The following FAM135A variants were observed in gnomAD, a reference collection of about 807,000 sequenced individuals.
FAM135A encodes family with sequence similarity 135 member A.
FAM135A carries 79 observed loss-of-function variants against 146.8 expected under a neutral mutation model. The observed-to-expected ratio is 0.54, with a 90% CI of 0.45 to 0.65. FAM135A has a LOEUF of 0.65. Ranked by LOEUF, FAM135A falls within the 30% of genes least tolerant of loss-of-function variation. FAM135A has a pLI of 0.00. For synonymous variants in FAM135A, 562 were observed against 603.6 expected (o/e 0.93, Z 1.01); for missense variants, 1,623 against 1,758.2 (o/e 0.92, Z 1.38).
chr6:70,447,436 G>A (rs192972683), intron 4 of FAM135A, among the ~76,000 whole-genome samples: 14 of 152,312 alleles, frequency 9.2e-5, no homozygotes, highest in Admixed American at 6.5e-4. Flanking sequence ...CCTTTTAAAT[G>A]TAAACAAGAC....
At position 70,447,791 on chromosome 6, in the gene FAM135A, CGCT is replaced by C. The variant is rs1160061421; in HGVS notation, c.78-4699_78-4697del. On this transcript the variant is annotated intron_variant, in intron 4 of 21. Transcript: ENST00000418814. ...TTTTCCCCTATCTGGCAGCCTGACT[CGCT>C]GATTTTTTCTACATTCTTTTTTAGT... is the stretch of plus-strand genomic sequence containing the variant. Among the ~76,000 whole-genome samples the C allele has an allele frequency of 1.5e-4, 23 of 152,062 alleles. 1 individual carries two copies. The highest frequency in any genetic ancestry group is 1.5e-3 in the Admixed American group (23 of 15,274).
intron 5 of FAM135A, among the ~76,000 whole-genome samples, chr6:70,471,803 A>G (rs1781673337): frequency 6.6e-6 from 1 of 152,160 alleles, no homozygotes; most frequent in Non-Finnish European, 1.5e-5. Flanking sequence ...GAGAATGATC[A>G]CAGGAGTGAG....
chr6:70,550,557 G>T (rs1192745487), intron 20 of FAM135A, among the ~76,000 whole-genome samples: 1 of 152,134 alleles, frequency 6.6e-6, no homozygotes, highest in Non-Finnish European at 1.5e-5. Flanking sequence ...TCAACTGTGG[G>T]CTTAAAATAT....
intron 5 of FAM135A, among the ~76,000 whole-genome samples, chr6:70,473,010 G>T (rs116291398): frequency 0.02 from 3,106 of 152,128 alleles, 107 homozygotes; most frequent in African/African-American, 0.07. Context: ...AATGTCTCTT[G>T]TTTCTTAAAC....
chr6:70,539,857 G>A (rs1304096080), intron 20 of FAM135A, among the ~76,000 whole-genome samples: 4 of 152,106 alleles, frequency 2.6e-5, no homozygotes, highest in African/African-American at 4.8e-5. Flanking sequence ...TTAGCCAGGC[G>A]TGGTGGTGGG....
At chr6:70,445,857 G>A (rs1166322941) in intron 4 of FAM135A, among the ~76,000 whole-genome samples, 1 of 152,120 alleles carries the variant, frequency 6.6e-6, no homozygotes, top group Non-Finnish European at 1.5e-5. Context: ...GGCGGGGGGG[G>A]CTGTTCCCAA....
At chr6:70,516,562 G>A (rs1412059599) in intron 12 of FAM135A, among the ~76,000 whole-genome samples, 1 of 116,836 alleles carries the variant, frequency 8.6e-6, no homozygotes, top group African/African-American at 3.4e-5. Context: ...TTGAGACAGA[G>A]TCTTGCTCTG....
rs546187729 is a variant in FAM135A at position 70,429,137 on chromosome 6, C to T, written c.77+718C>T. Among the ~76,000 whole-genome samples, 21 of 152,178 alleles carry T rather than the reference C, an allele frequency of 1.4e-4. No individual in the cohort carries two copies. In the South Asian group the frequency reaches 4.4e-3, roughly 32 times the overall value. On this transcript the variant is annotated intron_variant, in intron 4 of 21. Coordinates refer to ENST00000418814, the MANE Select transcript of FAM135A (RefSeq NM_001162529.3). Reference sequence around the variant, plus strand: ...ATAGGCAAAGTATAAAGTGAAAGATCATATTTGTAGAAGAGAACAGCATGA... The same window carrying T: ...ATAGGCAAAGTATAAAGTGAAAGATTATATTTGTAGAAGAGAACAGCATGA...
chr6:70,453,584 G>A (rs542214767), intron 5 of FAM135A, among the ~76,000 whole-genome samples: 1 of 151,390 alleles, frequency 6.6e-6, no homozygotes, highest in South Asian at 2.1e-4. Flanking sequence ...CCCACAACAG[G>A]CCCCAGTGTG....
At chr6:70,524,297 C>A in intron 14 of FAM135A, 46 bp from the exon 15 acceptor site, 1 of 1,450,176 alleles carries the variant, frequency 6.9e-7, no homozygotes, top group South Asian at 1.5e-5. Context: ...CATATGAGTT[C>A]TCACACCTTG....
intron 20 of FAM135A, among the ~76,000 whole-genome samples, chr6:70,540,741 T>C (rs1157697718): frequency 1.3e-5 from 2 of 152,200 alleles, no homozygotes; most frequent in African/African-American, 4.8e-5. Context: ...TTTGTTTTTC[T>C]ATCCTAGTCA....
rs755609488 is a variant in FAM135A, at chr6:70,536,294, C to T, written c.4000C>T (p.Arg1334Cys). ...ACATTCGTTGGGCAATTTAATAATT[C>T]GTTCAGTGCTTACAAGGCCAAGGTT... is the stretch of plus-strand genomic sequence containing the variant. Reference protein sequence around the residue: ...IGHSLGNLIIRSVLTRPRFKY... With the variant: ...IGHSLGNLIICSVLTRPRFKY... Residue 1334 changes from arginine to cysteine, a missense_variant, in exon 19 of 22, where the codon CGT (arginine) becomes TGT (cysteine). By Grantham distance (180) the Arg-to-Cys change is radical. Transcript: ENST00000418814. 6.2e-7 allele frequency: 1 copy of T among 1,609,462 alleles called. No homozygotes were observed. Among genetic ancestry groups the T allele is most frequent in the Non-Finnish European group, 8.5e-7 (1 of 1,178,656 alleles).
At chr6:70,424,207 C>G (rs1046158166) in intron 2 of FAM135A, among the ~76,000 whole-genome samples, 1 of 152,172 alleles carries the variant, frequency 6.6e-6, no homozygotes, top group Non-Finnish European at 1.5e-5. Context: ...AAAGTTTGCC[C>G]ACTTTGAAGG....
intron 20 of FAM135A, among the ~76,000 whole-genome samples, chr6:70,550,819 T>A (rs1799689687): frequency 6.6e-6 from 1 of 152,190 alleles, no homozygotes; most frequent in Non-Finnish European, 1.5e-5. Flanking sequence ...AGAAGGCAAT[T>A]TTTTCAACAT....
At position 70,538,412 on chromosome 6, in the gene FAM135A, A is replaced by C; in HGVS notation, c.4228+11A>C. 1 of 1,408,124 alleles carries C rather than the reference A, an allele frequency of 7.1e-7. No homozygotes were observed. Among genetic ancestry groups the C allele is most frequent in the Non-Finnish European group, 9.4e-7 (1 of 1,061,996 alleles). The allele number at this position is 1,408,124 out of a possible 1,614,324, so 87.2% of individuals were successfully genotyped here. ...TTAGTAACAAAGCAGGTAAGTATAT[A>C]ATAACAGTTTGGAAAATATACATGT... On this transcript the variant is annotated intron_variant, in intron 20 of 21. Coordinates refer to ENST00000418814, the MANE Select transcript of FAM135A (RefSeq NM_001162529.3).
At chr6:70,442,162 T>C (rs142154978) in intron 4 of FAM135A, among the ~76,000 whole-genome samples, 8 of 152,138 alleles carry the variant, frequency 5.3e-5, no homozygotes, top group African/African-American at 1.7e-4. Context: ...TGTGTGGACA[T>C]TTCTATATAG....
At chr6:70,493,564 G>C (rs1180088411) in intron 11 of FAM135A, among the ~76,000 whole-genome samples, 1 of 152,130 alleles carries the variant, frequency 6.6e-6, no homozygotes, top group East Asian at 1.9e-4. Context: ...CTCATACCTT[G>C]TATGTCTTTT....
intron 12 of FAM135A, among the ~76,000 whole-genome samples, chr6:70,516,123 A>G (rs1321907882): frequency 2.6e-5 from 4 of 152,150 alleles, no homozygotes; most frequent in Non-Finnish European, 5.9e-5. Flanking sequence ...TTGCAGAAGG[A>G]AGAGGGTAAG....
chr6:70,418,881 A>G (rs1480478341), intron 2 of FAM135A, among the ~76,000 whole-genome samples: 1 of 152,184 alleles, frequency 6.6e-6, no homozygotes, highest in African/African-American at 2.4e-5. Context: ...TCACTGGCTG[A>G]TTGTTTGCAG....
Sources: gnomAD v4.1 joint callset for allele counts (sites outside exome capture counted in the v4.1 genomes callset) on GRCh38, gnomAD v4.1.1 for gene constraint, MANE v1.5 for transcripts, NCBI Gene and HGNC (gene_info 2026-07-23, HGNC 2026-07-21) for gene names.